SH3BP2: variants seen among roughly 807,000 people sequenced by gnomAD.
SH3BP2 encodes SH3 domain binding protein 2.
SH3BP2 carries 38 observed loss-of-function variants against 56.2 expected under a neutral mutation model. The ratio of observed to expected loss-of-function variants is 0.68; its 90% CI spans 0.52 to 0.89. SH3BP2 has a LOEUF of 0.89. Ranked by LOEUF, SH3BP2 falls within the 40% of genes least tolerant of loss-of-function variation. The pLI is 0.00. For missense variants in SH3BP2, 748 were observed against 762.6 expected (o/e 0.98, Z 0.23); for synonymous variants, 346 against 316.7 (o/e 1.09, Z -0.98).
intron 1 of SH3BP2, chr4:2,819,002 T>A: frequency 1.7e-6 from 1 of 597,664 alleles, no homozygotes; most frequent in Non-Finnish European, 2.1e-6. Context: ...TGGCCAATCA[T>A]AGCTTACTGC....
At chr4:2,830,709 G>A (rs962180569) in intron 8 of SH3BP2, among the ~76,000 whole-genome samples, 1 of 152,234 alleles carries the variant, frequency 6.6e-6, no homozygotes. Flanking sequence ...AGACCAGTTT[G>A]TCCCCCACTC....
intron 5 of SH3BP2, chr4:2,826,596 G>A (rs565619064): frequency 1.5e-5 from 5 of 323,348 alleles, no homozygotes; most frequent in African/African-American, 4.9e-5. Flanking sequence ...GCATGTCTGT[G>A]TGTTGCTCTG....
At chr4:2,805,982 C>T (rs997497722) in intron 1 of SH3BP2, among the ~76,000 whole-genome samples, 2 of 152,222 alleles carry the variant, frequency 1.3e-5, no homozygotes, top group South Asian at 2.1e-4. Flanking sequence ...AGGAAAAGCA[C>T]GGCCGGACGC....
rs1217560234 is a variant in SH3BP2 at position 2,810,893 on chromosome 4, G to A, written c.-4-9721G>A. On this transcript the variant is annotated intron_variant, in intron 1 of 12. Transcript: ENST00000503393. The surrounding 1 kb of genome is among the most constrained non-coding windows in gnomAD (Gnocchi z 4.2). ...CAAGGAGGAAAGAGAATGGGAAGAG[G>A]CCCCACTCTGTCCGTGCCCTCCTCG... 6.6e-6 allele frequency among the ~76,000 whole-genome samples: 1 copy of A among 152,200 alleles called. No homozygotes were observed. The highest frequency in any genetic ancestry group is 1.9e-4 in the East Asian group (1 of 5,184).
intron 1 of SH3BP2, among the ~76,000 whole-genome samples, chr4:2,794,809 G>A (rs530658737): frequency 6.6e-6 from 1 of 152,330 alleles, no homozygotes; most frequent in Admixed American, 6.5e-5. Flanking sequence ...AGGAAGCAGG[G>A]TGCTGAGTCA....
chr4:2,824,837 C>T, intron 4 of SH3BP2, 107 bp downstream of exon 4: 2 of 870,532 alleles, frequency 2.3e-6, no homozygotes, highest in Non-Finnish European at 1.9e-6. Flanking sequence ...GCTGGCCTCT[C>T]AGCCCCGGGC....
intron 1 of SH3BP2, among the ~76,000 whole-genome samples, chr4:2,812,802 T>G (rs1484360315): frequency 1.4e-5 from 2 of 147,042 alleles, no homozygotes; most frequent in Non-Finnish European, 3.0e-5. Context: ...GTCCGGGAAC[T>G]TCTCATGATA....
intron 1 of SH3BP2, among the ~76,000 whole-genome samples, chr4:2,800,548 CG>C (rs879379218): frequency 6.2e-3 from 376 of 61,012 alleles, no homozygotes; most frequent in Middle Eastern, 0.027. Context: ...GTCCTGTGAC[CG>C]CCCCCCCCCC....
intron 5 of SH3BP2, chr4:2,826,905 G>A (rs1560108586): frequency 3.7e-6 from 2 of 546,512 alleles, no homozygotes; most frequent in East Asian, 8.9e-5. Flanking sequence ...GTGTCTTTGT[G>A]TATATATATC....
At chr4:2,827,733 C>G in intron 7 of SH3BP2, 59 bp downstream of exon 7, 1 of 1,415,330 alleles carries the variant, frequency 7.1e-7, no homozygotes. Flanking sequence ...GGGCTGGGAC[C>G]GGGAGCAGAG....
intron 2 of SH3BP2, among the ~76,000 whole-genome samples, chr4:2,821,224 A>G (rs1219236917): frequency 6.6e-6 from 1 of 152,170 alleles, no homozygotes; most frequent in Non-Finnish European, 1.5e-5. Flanking sequence ...GAGATACCCA[A>G]ATGCTGAGAT....
At chr4:2,807,657 G>A (rs975515049) in intron 1 of SH3BP2, among the ~76,000 whole-genome samples, 1 of 152,218 alleles carries the variant, frequency 6.6e-6, no homozygotes, top group Non-Finnish European at 1.5e-5. Flanking sequence ...GGGGCCCAGG[G>A]CAGGAAGGGA....
rs1200531220 is a variant in SH3BP2, at chr4:2,810,847, T to C, written c.-4-9767T>C. Among the ~76,000 whole-genome samples the C allele has an allele frequency of 3.3e-5, 5 of 152,170 alleles. No individual in the cohort carries two copies. Among genetic ancestry groups the C allele is most frequent in the Non-Finnish European group, 5.9e-5 (4 of 68,026 alleles). On this transcript the variant is annotated intron_variant, in intron 1 of 12. Coordinates refer to ENST00000503393, the MANE Select transcript of SH3BP2 (RefSeq NM_001122681.2). This position sits in a 1 kb window ranked among gnomAD's most constrained non-coding sequence, Gnocchi z 4.2. ...AGTGGCCCAGGGGTTCCTCACCTGC[T>C]GTTTGATCTCAACCCTCCTGCAAGG...
intron 1 of SH3BP2, among the ~76,000 whole-genome samples, chr4:2,794,892 G>A (rs1366436282): frequency 6.6e-6 from 1 of 152,242 alleles, no homozygotes; most frequent in Non-Finnish European, 1.5e-5. Context: ...GGGGCCCAGA[G>A]AGACGAGATG....
chr4:2,825,036 C>T (rs1724522091), intron 4 of SH3BP2, 90 bp from the exon 5 acceptor site: 13 of 1,254,422 alleles, frequency 1.0e-5, no homozygotes, highest in Non-Finnish European at 1.3e-5. Flanking sequence ...TTGGGAGTCA[C>T]AGCAGAGCAG....
Position 2,830,060 on chromosome 4 carries a change from C to T in SH3BP2, c.1154C>T (p.Pro385Leu), listed in dbSNP as rs763371314. 1 of 1,611,760 alleles carries T rather than the reference C, an allele frequency of 6.2e-7. No homozygotes were observed. Among genetic ancestry groups the T allele is most frequent in the African/African-American group, 1.3e-5 (1 of 75,074 alleles). Residue 385 changes from proline (P) to leucine (L), a missense_variant, in exon 8 of 13, where the codon CCT becomes CTT. By Grantham distance (98) the Pro-to-Leu change is moderately conservative (BLOSUM62 -3). Transcript: ENST00000503393. Reference protein sequence around the residue: ...GLFVPPVAPRPPALKLPVPEA... With the variant: ...GLFVPPVAPRLPALKLPVPEA... ...TTTGTGCCCCCCGTGGCTCCCCGGC[C>T]TCCTGCGCTGAAGCTGCCAGTGCCT...
chr4:2,798,911 C>T (rs1443075303), intron 1 of SH3BP2: 2 of 904,420 alleles, frequency 2.2e-6, no homozygotes, highest in Non-Finnish European at 2.6e-6. Context: ...GAAGTGCAGC[C>T]TCATGGGATG....
chr4:2,833,110 G>T (rs1725085770), intron 12 of SH3BP2, 61 bp downstream of exon 12: 2 of 1,471,636 alleles, frequency 1.4e-6, no homozygotes, highest in South Asian at 1.1e-5. Flanking sequence ...GGGCAGGGCA[G>T]AATCTCCCTG....
intron 1 of SH3BP2, among the ~76,000 whole-genome samples, chr4:2,804,811 T>C (rs569320377): frequency 5.9e-5 from 9 of 152,288 alleles, no homozygotes; most frequent in Non-Finnish European, 8.8e-5. Flanking sequence ...CACCCTCAGG[T>C]TGTGTTGTAG....
Sources: allele counts gnomAD v4.1 joint callset (sites outside exome capture counted in the v4.1 genomes callset), GRCh38; gene constraint gnomAD v4.1.1; non-coding constraint Gnocchi (gnomAD v3.1); transcripts MANE v1.5; gene names NCBI Gene and HGNC (gene_info 2026-07-23, HGNC 2026-07-21).